The following UST variants were observed in gnomAD, a reference collection of about 807,000 sequenced individuals.
UST encodes the protein chondroitin sulfate 2-O-sulfotransferase.
Under a neutral mutation model 45.6 loss-of-function variants are expected in UST, and 21 were observed. The ratio of observed to expected loss-of-function variants is 0.46; its 90% CI spans 0.33 to 0.66. The LOEUF (loss-of-function observed/expected upper bound fraction) is 0.66, where lower values mean the gene tolerates loss of function less well. Among genes scored for constraint, UST ranks in the 30% least tolerant of loss-of-function variants. UST has a pLI of 0.02. For missense variants in UST, 463 were observed against 512.4 expected (o/e 0.90, Z 0.93); for synonymous variants, 215 against 200.6 (o/e 1.07, Z -0.61).
intron 1 of UST, among the ~76,000 whole-genome samples, chr6:148,881,544 G>C (rs9498174): frequency 0.19 from 28,944 of 152,164 alleles, 3,030 homozygotes; most frequent in African/African-American, 0.29. Flanking sequence ...GGTGGGTATA[G>C]ACAGGACATG....
chr6:148,895,672 A>C (rs1225820146), intron 2 of UST, among the ~76,000 whole-genome samples: 1 of 152,138 alleles, frequency 6.6e-6, no homozygotes, highest in African/African-American at 2.4e-5. Context: ...ACAAGATCTG[A>C]TGGTTTTATG....
intron 1 of UST, among the ~76,000 whole-genome samples, chr6:148,848,800 T>C (rs1778047602): frequency 6.6e-6 from 1 of 152,134 alleles, no homozygotes. Flanking sequence ...GGCTAACACA[T>C]TTGAGGAGGC....
intron 7 of UST, among the ~76,000 whole-genome samples, chr6:149,028,309 T>C (rs1371159462): frequency 6.6e-6 from 1 of 152,224 alleles, no homozygotes; most frequent in Non-Finnish European, 1.5e-5. Context: ...TCATAGGTTC[T>C]TGTGAGTCTT....
rs530774372 is a variant in UST at position 148,792,688 on chromosome 6, A to G, written c.247+45011A>G. ...AGTTTAACTTTAGCCATTTTCTGGG[A>G]TCTATTTTAAAACTCCTATATGTGG... On this transcript the variant is annotated intron_variant, in intron 1 of 7. Transcript: ENST00000367463. Among the ~76,000 whole-genome samples, 3 of 152,254 alleles carry G rather than the reference A, an allele frequency of 2.0e-5. No homozygotes were observed. In the East Asian group the frequency reaches 5.8e-4, roughly 29 times the overall value.
chr6:148,792,701 C>G (rs1776873934), intron 1 of UST, among the ~76,000 whole-genome samples: 1 of 152,194 alleles, frequency 6.6e-6, no homozygotes, highest in African/African-American at 2.4e-5. Context: ...TATTTTAAAA[C>G]TCCTATATGT....
intron 1 of UST, among the ~76,000 whole-genome samples, chr6:148,861,915 C>T (rs1457992368): frequency 6.7e-6 from 1 of 148,776 alleles, no homozygotes; most frequent in African/African-American, 2.5e-5. Context: ...GCTTTACTTC[C>T]AACTATGTGG....
intron 1 of UST, among the ~76,000 whole-genome samples, chr6:148,799,341 A>G (rs943380037): frequency 6.6e-6 from 1 of 152,200 alleles, no homozygotes; most frequent in African/African-American, 2.4e-5. Context: ...ATCTCCACAG[A>G]TTGACGCTCA....
chr6:148,948,367 G>A (rs967462101), intron 3 of UST, among the ~76,000 whole-genome samples: 3 of 152,208 alleles, frequency 2.0e-5, no homozygotes, highest in Non-Finnish European at 2.9e-5. Context: ...GTTAGATACC[G>A]CCTCTGCTGA....
rs530269770 is a variant in UST at position 149,063,190 on chromosome 6, T to A, written c.938-10643T>A. Reference sequence around the variant, plus strand: ...CTGTGGCCCTGACTCTATGGCTGATTGGACATGTCTATAAAGAAAAAACAA... The same window carrying A: ...CTGTGGCCCTGACTCTATGGCTGATAGGACATGTCTATAAAGAAAAAACAA... On this transcript the variant is annotated intron_variant, in intron 7 of 7. Transcript: ENST00000367463. Among the ~76,000 whole-genome samples, 129 of 152,336 alleles carry A rather than the reference T, an allele frequency of 8.5e-4. 1 individual carries two copies. The highest frequency in any genetic ancestry group is 2.9e-3 in the African/African-American group (121 of 41,576).
At chr6:149,052,930 A>G (rs575850545) in intron 7 of UST, among the ~76,000 whole-genome samples, 1 of 152,334 alleles carries the variant, frequency 6.6e-6, no homozygotes, top group East Asian at 1.9e-4. Context: ...AAGGGTTTTA[A>G]TGAATCGGAG....
chr6:148,802,071 A>G (rs1582821212), intron 1 of UST, among the ~76,000 whole-genome samples: 1 of 152,358 alleles, frequency 6.6e-6, no homozygotes, highest in East Asian at 1.9e-4. Context: ...CACATTGTGA[A>G]AACAGCCTGT....
chr6:148,797,732 C>T (rs1014427388), intron 1 of UST, among the ~76,000 whole-genome samples: 9 of 151,922 alleles, frequency 5.9e-5, no homozygotes, highest in Non-Finnish European at 8.8e-5. Flanking sequence ...TGAAAGACAA[C>T]GAGGAGTTGT....
chr6:149,043,086 TC>T (rs1166831211), intron 7 of UST, among the ~76,000 whole-genome samples: 1 of 151,194 alleles, frequency 6.6e-6, no homozygotes, highest in Non-Finnish European at 1.5e-5. Context: ...TCTTTCTTTT[TC>T]TTTCTCTTGT....
intron 2 of UST, among the ~76,000 whole-genome samples, chr6:148,904,511 C>G (rs904127795): frequency 1.3e-5 from 2 of 152,026 alleles, no homozygotes; most frequent in Non-Finnish European, 2.9e-5. Flanking sequence ...GTTATTGACT[C>G]TTATTTACAA....
chr6:148,760,532 T>G (rs1776194463), intron 1 of UST, among the ~76,000 whole-genome samples: 1 of 152,162 alleles, frequency 6.6e-6, no homozygotes, highest in South Asian at 2.1e-4. Context: ...GATACTAAAA[T>G]GACTATTATG....
intron 5 of UST, among the ~76,000 whole-genome samples, chr6:149,007,265 G>A (rs1243017492): frequency 6.8e-6 from 1 of 147,530 alleles, no homozygotes; most frequent in Non-Finnish European, 1.5e-5. Context: ...GATTACAGGT[G>A]CACACCACCA....
At chr6:148,875,647 T>C (rs1361865231) in intron 1 of UST, among the ~76,000 whole-genome samples, 1 of 152,140 alleles carries the variant, frequency 6.6e-6, no homozygotes, top group Non-Finnish European at 1.5e-5. Flanking sequence ...CTACTAAAAA[T>C]ACAAAAATTA....
intron 1 of UST, among the ~76,000 whole-genome samples, chr6:148,854,434 A>G (rs1394639979): frequency 6.6e-6 from 1 of 152,252 alleles, no homozygotes; most frequent in Non-Finnish European, 1.5e-5. Flanking sequence ...TTCTCCTTTT[A>G]TAGAACTGAA....
intron 1 of UST, among the ~76,000 whole-genome samples, chr6:148,850,358 T>C (rs1263565913): frequency 6.6e-6 from 1 of 152,158 alleles, no homozygotes; most frequent in Non-Finnish European, 1.5e-5. Context: ...TTTGCATATG[T>C]AGGCCATAGC....
Sources: gnomAD v4.1 joint callset for allele counts (sites outside exome capture counted in the v4.1 genomes callset) on GRCh38, gnomAD v4.1.1 for gene constraint, MANE v1.5 for transcripts, NCBI Gene and HGNC (gene_info 2026-07-23, HGNC 2026-07-21) for gene names.